Variants in ITIH1 observed in about 807,000 individuals in gnomAD.
The protein encoded by ITIH1 is inter-alpha-trypsin inhibitor heavy chain 1.
A neutral mutation model predicts 104.6 loss-of-function variants in ITIH1; 94 were observed. The ratio of observed to expected loss-of-function variants is 0.90; its 90% CI spans 0.76 to 1.07. The LOEUF (loss-of-function observed/expected upper bound fraction) is 1.07, where lower values mean the gene tolerates loss of function less well. Among genes scored for constraint, ITIH1 ranks in the 50% least tolerant of loss-of-function variants. The pLI, the probability that ITIH1 is intolerant of heterozygous loss-of-function variation, is 0.00. For synonymous variants in ITIH1, 455 were observed against 464.4 expected (o/e 0.98, Z 0.26); for missense variants, 1,193 against 1,181.4 (o/e 1.01, Z -0.14).
chr3:52,791,739 T>TA (rs1314648634), intron 21 of ITIH1, 43 bp from the exon 22 acceptor site: 1 of 1,606,534 alleles, frequency 6.2e-7, no homozygotes, highest in Non-Finnish European at 8.5e-7. Flanking sequence ...GGTGCTGCCC[T>TA]ACTGGTCCGA....
chr3:52,781,207 TTTTCTTCTTCTTC>T lies in ITIH1; in HGVS notation c.688-730_688-718del, dbSNP rs1264118822. On this transcript the variant is annotated intron_variant, in intron 6 of 21. Coordinates refer to ENST00000273283, the MANE Select transcript of ITIH1 (RefSeq NM_002215.4). ...TCACCTCCTCCTCTTCTTTTTTTTT[TTTTCTTCTTCTTC>T]TTCTTCTTCTTCTTCTTCTTCTTCT... Among the ~76,000 whole-genome samples, 397 of 65,878 alleles carry T rather than the reference TTTTCTTCTTCTTC, an allele frequency of 6.0e-3. 24 individuals are homozygous for T. The highest frequency in any genetic ancestry group is 6.6e-3 in the East Asian group (15 of 2,284). 43.2% of individuals were successfully genotyped at this position (65,878 alleles called of 152,430 possible).
rs993768011 is a variant in ITIH1, at chr3:52,777,612, G to C, written c.-4G>C. 8.9e-6 allele frequency: 14 copies of C among 1,566,842 alleles called. No homozygotes were observed. The highest frequency in any genetic ancestry group is 1.7e-4 in the Middle Eastern group (1 of 5,848). On this transcript the variant is annotated 5_prime_UTR_variant, in exon 1 of 22. Transcript: ENST00000273283. ...AGGTGACAGGGCAGCAGGAGCCTTA[G>C]AGCATGGACGGTGCCATGGGGCCTC... is the stretch of plus-strand genomic sequence containing the variant.
At chr3:52,791,056 G>A (rs1699343732) in intron 20 of ITIH1, 135 bp downstream of exon 20, 1 of 846,118 alleles carries the variant, frequency 1.2e-6, no homozygotes, top group East Asian at 2.7e-5. Context: ...CCAAGGAGCA[G>A]AGCCGTCTGA....
intron 20 of ITIH1, 139 bp from the exon 21 acceptor site, chr3:52,791,378 G>A: frequency 1.6e-6 from 1 of 630,134 alleles, no homozygotes; most frequent in Non-Finnish European, 2.8e-6. Context: ...TTTTCATGCT[G>A]GGACTGTTAG....
rs1698943551 is a variant in ITIH1 at position 52,777,848 on chromosome 3, C to T, written c.117+116C>T. 7 of 1,339,328 alleles carry T rather than the reference C, an allele frequency of 5.2e-6. No homozygotes were observed. In the South Asian group the frequency reaches 8.4e-5, roughly 16 times the overall value. 83.0% of individuals were successfully genotyped at this position (1,339,328 alleles called of 1,614,324 possible). A position where few individuals can be genotyped will look rare whatever the true frequency, so the allele number is the denominator to read the frequency against. ...GTCACCCCCACCACCTCCACCACTT[C>T]TGAGTGGAGAGGTGACCTCCCAGCA... On this transcript the variant is annotated intron_variant, in intron 1 of 21. Transcript: ENST00000273283.
chr3:52,784,936 C>A, intron 11 of ITIH1, 108 bp from the exon 12 acceptor site: 1 of 1,188,656 alleles, frequency 8.4e-7, no homozygotes, highest in Non-Finnish European at 1.2e-6. Context: ...CTCGGACCCT[C>A]AAATTCCTTC....
intron 12 of ITIH1, 29 bp downstream of exon 12, chr3:52,785,258 G>A: frequency 6.2e-7 from 1 of 1,607,596 alleles, no homozygotes; most frequent in Non-Finnish European, 8.5e-7. Flanking sequence ...AGGGTGGAGA[G>A]GCCAGGCAGC....
Position 52,790,619 on chromosome 3 carries a change from G to A in ITIH1, c.2322-130G>A, listed in dbSNP as rs368053240. On this transcript the variant is annotated intron_variant, in intron 19 of 21. Transcript: ENST00000273283. ...GAGGGGCGTGGAACAGGTAACAGCC[G>A]GCCATCTGGGGATGAAGGCCATGGG... 397 of 880,440 alleles carry A rather than the reference G, an allele frequency of 4.5e-4. 1 individual carries two copies. In the South Asian group the frequency reaches 4.5e-3, roughly 10 times the overall value. 54.5% of individuals were successfully genotyped at this position (880,440 alleles called of 1,614,324 possible).
intron 5 of ITIH1, 172 bp from the exon 6 acceptor site, chr3:52,780,097 A>T: frequency 1.1e-6 from 1 of 928,882 alleles, no homozygotes; most frequent in Non-Finnish European, 1.6e-6. Flanking sequence ...AGACTTGGTG[A>T]GTGGGAGCCC....
At position 52,783,097 on chromosome 3, in the gene ITIH1, C is replaced by T; in HGVS notation, c.1071C>T (p.Asp357=). 1 of 1,614,070 alleles carries T rather than the reference C, an allele frequency of 6.2e-7. No homozygotes were observed. Among genetic ancestry groups the T allele is most frequent in the Non-Finnish European group, 8.5e-7 (1 of 1,180,012 alleles). The change falls in exon 9 of 22, where the codon GAC becomes GAT. Residue 357 remains aspartate (D), a synonymous_variant. Transcript: ENST00000273283. ...ASEANLQAAQ[D]FVRGFSLDEA... Reference sequence around the variant, plus strand: ...AGGCCAACCTACAAGCAGCTCAAGACTTTGTGCGGGGCTTTTCCCTGGATG... The same window carrying T: ...AGGCCAACCTACAAGCAGCTCAAGATTTTGTGCGGGGCTTTTCCCTGGATG...
rs564797019 is a variant in ITIH1 at position 52,784,492 on chromosome 3, C to T, written c.1407+15C>T. ...AGCAGCTGCAGGTCTCCCCTCACAACCCCCTGTACCTCCAATGGCATGCCA... is the reference window on the plus strand; with the variant it reads ...AGCAGCTGCAGGTCTCCCCTCACAATCCCCTGTACCTCCAATGGCATGCCA... On this transcript the variant is annotated intron_variant, in intron 11 of 21. Transcript: ENST00000273283. 6 of 1,611,250 alleles carry T rather than the reference C, an allele frequency of 3.7e-6. No homozygotes were observed. The South Asian group carries it at 5.5e-5, about 15-fold the overall frequency.
chr3:52,787,980 C>T lies in ITIH1; in HGVS notation c.1925-6C>T, dbSNP rs62255411. ...CGCTTCTAAATGCCACTCCCCCTCC[C>T]ATCAGCGTTCGTGCTGTCAGCCTTG... On this transcript the variant is annotated splice_region_variant and splice_polypyrimidine_tract_variant and intron_variant, in intron 16 of 21. Coordinates refer to ENST00000273283, the MANE Select transcript of ITIH1 (RefSeq NM_002215.4). 2.5e-6 allele frequency: 4 copies of T among 1,613,174 alleles called. No individual in the cohort carries two copies. The highest frequency in any genetic ancestry group is 3.4e-6 in the Non-Finnish European group (4 of 1,179,338).
At chr3:52,787,144 A>G in intron 14 of ITIH1, 44 bp from the exon 15 acceptor site, 1 of 1,614,210 alleles carries the variant, frequency 6.2e-7, no homozygotes, top group South Asian at 1.1e-5. Context: ...CATGGGCCAA[A>G]AACCTCTGGG....
In ITIH1 at chr3:52,787,109, G is replaced by C; in HGVS notation, c.1888+10G>C. On this transcript the variant is annotated intron_variant, in intron 14 of 21. Coordinates refer to ENST00000273283, the MANE Select transcript of ITIH1 (RefSeq NM_002215.4). ...GACAAGCCCTCAGAGGGTATAGGCTGCAGGGGTCTACAGAAGGGAGAGGCC... is the reference window on the plus strand; with the variant it reads ...GACAAGCCCTCAGAGGGTATAGGCTCCAGGGGTCTACAGAAGGGAGAGGCC... The C allele has an allele frequency of 6.2e-7, 1 of 1,614,238 alleles. No individual in the cohort carries two copies. Among genetic ancestry groups the C allele is most frequent in the South Asian group, 1.1e-5 (1 of 91,088 alleles).
Position 52,779,740 on chromosome 3 carries a change from CTCT to C in ITIH1, c.573+151_573+153del. On this transcript the variant is annotated intron_variant, in intron 5 of 21. Coordinates refer to ENST00000273283, the MANE Select transcript of ITIH1 (RefSeq NM_002215.4). The surrounding 1 kb of genome is among the most constrained non-coding windows in gnomAD (Gnocchi z 4.4). ...ACCCCTCAGGGTGAGCTCTGATGTG[CTCT>C]TCTTGGGCAGGGAACTCCCTGAATT... 9.1e-7 allele frequency: 1 copy of C among 1,100,760 alleles called. No individual in the cohort carries two copies. Among genetic ancestry groups the C allele is most frequent in the South Asian group, 1.3e-5 (1 of 74,140 alleles). The allele number at this position is 1,100,760 out of a possible 1,614,324, so 68.2% of individuals were successfully genotyped here.
intron 13 of ITIH1, 103 bp from the exon 14 acceptor site, chr3:52,786,842 A>T (rs775642197): frequency 2.6e-4 from 94 of 356,070 alleles, no homozygotes; most frequent in Admixed American, 1.8e-3. Context: ...TATGTGTCGA[A>T]TGAATGAATG....
chr3:52,778,596 G>T (rs572341721), intron 3 of ITIH1, 90 bp downstream of exon 3: 1 of 1,570,540 alleles, frequency 6.4e-7, no homozygotes, highest in Admixed American at 1.8e-5. Context: ...GCCAGATAAC[G>T]CAGAGCATCT....
intron 15 of ITIH1, 136 bp from the exon 16 acceptor site, chr3:52,787,456 G>A (rs1578739728): frequency 1.8e-6 from 2 of 1,102,580 alleles, no homozygotes; most frequent in Middle Eastern, 2.4e-4. Flanking sequence ...TCTGTGAGGA[G>A]GCAGGACCCC....
intron 10 of ITIH1, 92 bp from the exon 11 acceptor site, chr3:52,784,204 C>A: frequency 8.7e-7 from 1 of 1,151,656 alleles, no homozygotes; most frequent in Non-Finnish European, 1.2e-6. Context: ...AGATGGAAGG[C>A]TTGAGCCCCA....
Sources: gnomAD v4.1 joint callset for allele counts (sites outside exome capture counted in the v4.1 genomes callset) on GRCh38, gnomAD v4.1.1 for gene constraint, Gnocchi (gnomAD v3.1) non-coding constraint, MANE v1.5 for transcripts, NCBI Gene and HGNC (gene_info 2026-07-23, HGNC 2026-07-21) for gene names.